The following CSMD2 variants were observed in gnomAD, a reference collection of about 807,000 sequenced individuals.
CSMD2 encodes CUB and sushi domain-containing protein 2.
Under a neutral mutation model 398.5 loss-of-function variants are expected in CSMD2, and 130 were observed. The ratio of observed to expected loss-of-function variants is 0.33; its 90% CI spans 0.28 to 0.38. The LOEUF is 0.38. CSMD2 is among the 10% of genes least tolerant of loss of function. CSMD2 has a pLI of 1.00. For synonymous variants in CSMD2, 1,828 were observed against 1,908.5 expected (o/e 0.96, Z 1.10); for missense variants, 3,829 against 4,764.9 (o/e 0.80, Z 5.78).
At chr1:33,593,389 C>A (rs931227249) in intron 44 of CSMD2, among the ~76,000 whole-genome samples, 1 of 152,102 alleles carries the variant, frequency 6.6e-6, no homozygotes, top group East Asian at 1.9e-4. Flanking sequence ...TGAGACTGGG[C>A]AATTTACAAA....
At chr1:34,074,395 C>T (rs1002395833) in intron 2 of CSMD2, among the ~76,000 whole-genome samples, 9 of 152,330 alleles carry the variant, frequency 5.9e-5, no homozygotes, top group Middle Eastern at 3.4e-3. Context: ...GGAGCTGGCC[C>T]GGGCCACTGC....
At chr1:33,887,681 T>A (rs1433119876) in intron 5 of CSMD2, among the ~76,000 whole-genome samples, 1 of 152,214 alleles carries the variant, frequency 6.6e-6, no homozygotes, top group African/African-American at 2.4e-5. Flanking sequence ...GTAAAAGCTA[T>A]GCTTGCCTTT....
chr1:33,890,174 C>T (rs1367852074), intron 5 of CSMD2, among the ~76,000 whole-genome samples: 2 of 151,100 alleles, frequency 1.3e-5, no homozygotes, highest in East Asian at 1.9e-4. Flanking sequence ...ATATAATACT[C>T]GTCTGCTTTT....
At chr1:33,859,031 T>C (rs1251871815) in intron 5 of CSMD2, among the ~76,000 whole-genome samples, 2 of 152,214 alleles carry the variant, frequency 1.3e-5, no homozygotes, top group Non-Finnish European at 2.9e-5. Flanking sequence ...AAATGTGTCT[T>C]CTTCATTAAC....
chr1:33,592,349 A>ATT (rs1216620898), intron 44 of CSMD2: 10 of 714,750 alleles, frequency 1.4e-5, no homozygotes, highest in Non-Finnish European at 2.6e-5. Context: ...CTTGGGTCCT[A>ATT]TTTCAACTTC....
At chr1:33,790,842 TATC>T (rs1557899374) in intron 11 of CSMD2, among the ~76,000 whole-genome samples, 42 of 149,200 alleles carry the variant, frequency 2.8e-4, no homozygotes, top group Admixed American at 5.4e-4. Context: ...TCTATCTATC[TATC>T]ATCTATCTAT....
intron 5 of CSMD2, among the ~76,000 whole-genome samples, chr1:33,856,579 C>A (rs900518239): frequency 1.3e-5 from 2 of 152,134 alleles, no homozygotes; most frequent in Non-Finnish European, 2.9e-5. Flanking sequence ...TCTTGAGGAG[C>A]TGCCCACATC....
intron 1 of CSMD2, among the ~76,000 whole-genome samples, chr1:34,148,348 C>T (rs528749738): frequency 4.6e-5 from 7 of 152,280 alleles, no homozygotes; most frequent in Admixed American, 2.6e-4. Flanking sequence ...GGCCCCTTGC[C>T]CAGTCTCTCA....
intron 3 of CSMD2, among the ~76,000 whole-genome samples, chr1:34,024,071 C>T (rs1558262279): frequency 6.6e-6 from 1 of 152,200 alleles, no homozygotes; most frequent in Non-Finnish European, 1.5e-5. Flanking sequence ...CACAGCCAGC[C>T]TGAGGGAAAG....
rs573937372 is a variant in CSMD2 at position 33,676,028 on chromosome 1, A to C, written c.4053-12936T>G. ...TACTGAATGGATAAAAACTGGAAGCATTCCCTTTGAAAACTGGCACAAGAC... is the reference window on the plus strand; with the variant it reads ...TACTGAATGGATAAAAACTGGAAGCCTTCCCTTTGAAAACTGGCACAAGAC... On this transcript the variant is annotated intron_variant, in intron 25 of 70. Transcript: ENST00000373381. Among the ~76,000 whole-genome samples, 18 of 152,334 alleles carry C rather than the reference A, an allele frequency of 1.2e-4. No homozygotes were observed. The South Asian group carries it at 3.7e-3, about 32-fold the overall frequency.
At chr1:33,540,446 T>C (rs564592690) in intron 60 of CSMD2, 79 bp downstream of exon 60, 13 of 1,509,468 alleles carry the variant, frequency 8.6e-6, no homozygotes, top group Non-Finnish European at 1.2e-5. Flanking sequence ...TTCTGGGCCT[T>C]CCAGCCACAA....
At chr1:33,528,923 A>G (rs1447706880) in intron 64 of CSMD2, among the ~76,000 whole-genome samples, 1 of 152,240 alleles carries the variant, frequency 6.6e-6, no homozygotes, top group African/African-American at 2.4e-5. Flanking sequence ...CATGGTTTGG[A>G]AACCTTAATA....
At chr1:33,770,174 A>C (rs1416359656) in intron 13 of CSMD2, among the ~76,000 whole-genome samples, 1 of 152,222 alleles carries the variant, frequency 6.6e-6, no homozygotes, top group Non-Finnish European at 1.5e-5. Context: ...CTTTTTCTAC[A>C]AATATGATCA....
intron 25 of CSMD2, among the ~76,000 whole-genome samples, chr1:33,673,668 C>T (rs1313587413): frequency 6.6e-6 from 1 of 152,064 alleles, no homozygotes; most frequent in Non-Finnish European, 1.5e-5. Flanking sequence ...GTCAGATTCA[C>T]CAAAGTTGAA....
At chr1:33,864,787 C>A in intron 5 of CSMD2, 2 of 1,538,474 alleles carry the variant, frequency 1.3e-6, no homozygotes, top group South Asian at 1.2e-5. Context: ...TGCCATTCAA[C>A]CGTATTTCCT....
In CSMD2 at chr1:33,835,193, A is replaced by G. The variant is rs1428859780; in HGVS notation, c.1034-9419T>C. 4.4e-4 allele frequency among the ~76,000 whole-genome samples: 21 copies of G among 47,916 alleles called. 10 individuals are homozygous for G. The highest frequency in any genetic ancestry group is 5.9e-4 in the Non-Finnish European group (19 of 32,272). The allele number at this position is 47,916 out of a possible 152,430, so 31.4% of individuals were successfully genotyped here. ...CTATAAATCATGCTGCTATAAAGACACATGCACATGTATGTTTATTGCGGC... is the reference window on the plus strand; with the variant it reads ...CTATAAATCATGCTGCTATAAAGACGCATGCACATGTATGTTTATTGCGGC... On this transcript the variant is annotated intron_variant, in intron 6 of 70. Transcript: ENST00000373381.
At chr1:33,954,881 T>C (rs539368) in intron 3 of CSMD2, among the ~76,000 whole-genome samples, 61,050 of 151,960 alleles carry the variant, frequency 0.4, 12,451 homozygotes, top group Middle Eastern at 0.48. Context: ...GTTCTGGAGA[T>C]GGATGGCGGG....
intron 5 of CSMD2, among the ~76,000 whole-genome samples, chr1:33,899,770 A>G (rs1642629068): frequency 6.6e-6 from 1 of 152,200 alleles, no homozygotes; most frequent in Non-Finnish European, 1.5e-5. Context: ...GAAGTTCAGA[A>G]AGCTAAGTGA....
intron 16 of CSMD2, among the ~76,000 whole-genome samples, chr1:33,725,799 C>A (rs1173805075): frequency 6.6e-6 from 1 of 152,142 alleles, no homozygotes; most frequent in African/African-American, 2.4e-5. Flanking sequence ...GACCTAGAGG[C>A]ACAATGACTA....
Sources: gnomAD v4.1 joint callset for allele counts (sites outside exome capture counted in the v4.1 genomes callset) on GRCh38, gnomAD v4.1.1 for gene constraint, MANE v1.5 for transcripts, NCBI Gene and HGNC (gene_info 2026-07-23, HGNC 2026-07-21) for gene names.